The following SEMA4B variants were observed in gnomAD, a reference collection of about 807,000 sequenced individuals.
SEMA4B encodes semaphorin 4B.
A neutral mutation model predicts 88.1 loss-of-function variants in SEMA4B; 55 were observed. That is an observed-to-expected ratio of 0.62 (90% CI 0.50 to 0.78). The LOEUF is 0.78. SEMA4B is among the 30% of genes least tolerant of loss of function. The pLI is 0.00. For synonymous variants in SEMA4B, 525 were observed against 473.6 expected (o/e 1.11, Z -1.41); for missense variants, 1,062 against 1,111.9 (o/e 0.96, Z 0.64).
intron 1 of SEMA4B, among the ~76,000 whole-genome samples, chr15:90,192,513 G>A (rs1960372836): frequency 6.6e-6 from 1 of 151,800 alleles, no homozygotes; most frequent in South Asian, 2.1e-4. Flanking sequence ...GCAGGGTAGA[G>A]AAGCAGCAGG....
intron 1 of SEMA4B, among the ~76,000 whole-genome samples, chr15:90,188,660 T>G (rs1435851929): frequency 2.6e-5 from 4 of 151,788 alleles, no homozygotes; most frequent in Non-Finnish European, 5.9e-5. Context: ...TAAATGTAGA[T>G]CAGGATACGT....
chr15:90,191,089 T>C (rs1041745443), intron 1 of SEMA4B, among the ~76,000 whole-genome samples: 1 of 152,216 alleles, frequency 6.6e-6, no homozygotes, highest in Non-Finnish European at 1.5e-5. Flanking sequence ...GGCAACTTCA[T>C]GTTCTACCCT....
At chr15:90,209,765 G>A (rs1282669289) in intron 1 of SEMA4B, among the ~76,000 whole-genome samples, 1 of 152,206 alleles carries the variant, frequency 6.6e-6, no homozygotes, top group Admixed American at 6.5e-5. Context: ...AAGTCTCAAA[G>A]GATGAGTGTG....
intron 3 of SEMA4B, among the ~76,000 whole-genome samples, chr15:90,218,970 T>C (rs1323698350): frequency 2.6e-5 from 4 of 152,030 alleles, no homozygotes; most frequent in African/African-American, 4.8e-5. Flanking sequence ...GGCAGGACTT[T>C]TGATTTCACT....
Position 90,225,029 on chromosome 15 carries a change from T to A in SEMA4B, c.1256T>A (p.Val419Glu). The A allele has an allele frequency of 6.2e-7, 1 of 1,613,920 alleles. No individual in the cohort carries two copies. Among genetic ancestry groups the A allele is most frequent in the Non-Finnish European group, 8.5e-7 (1 of 1,179,850 alleles). The change falls in exon 10 of 14, where the codon GTG becomes GAG. Residue 419 changes from valine (V) to glutamate (E), a missense_variant. Physicochemically the swap from Val to Glu is moderately radical, Grantham distance 121. Transcript: ENST00000411539. ...INSSLQLPDR[V>E]LNFLKDHFLM... ...TCATCCCTGCAGCTCCCAGACCGCG[T>A]GCTGAACTTCCTCAAGGACCACTTC...
chr15:90,201,243 C>G, upstream of SEMA4B: 1 of 967,894 alleles, frequency 1.0e-6, no homozygotes. Flanking sequence ...GCCCCTCGCG[C>G]TGCCAGCGCC....
At chr15:90,215,974 C>T (rs2151612456) in intron 1 of SEMA4B, among the ~76,000 whole-genome samples, 1 of 151,760 alleles carries the variant, frequency 6.6e-6, no homozygotes, top group East Asian at 1.9e-4. Context: ...CTTGTTCTAC[C>T]ATTATTTCCT....
chr15:90,221,788 G>A, intron 7 of SEMA4B, 23 bp downstream of exon 7: 4 of 1,610,882 alleles, frequency 2.5e-6, no homozygotes, highest in Non-Finnish European at 3.4e-6. Context: ...GGCTGACAGG[G>A]TGGCCACCCC....
chr15:90,211,561 G>A (rs535774433), intron 1 of SEMA4B, among the ~76,000 whole-genome samples: 3 of 152,330 alleles, frequency 2.0e-5, no homozygotes, highest in South Asian at 2.1e-4. Flanking sequence ...AACACGGGCC[G>A]TGTGGAGGAA....
rs1961592656 is a variant in SEMA4B at position 90,217,555 on chromosome 15, G to T, written c.274G>T (p.Ala92Ser). The T allele has an allele frequency of 6.2e-7, 1 of 1,613,994 alleles. No homozygotes were observed. The stretch of plus-strand genomic sequence containing the variant: ...CGTGGGTGCTCGAGAGGCCCTCTTT[G>T]CACTCAGTAGCAACCTCAGCTTCCT... ...LYVGAREALF[A>S]LSSNLSFLPG... Residue 92 changes from alanine to serine, a missense_variant, in exon 2 of 14, where the codon GCA (alanine) becomes TCA (serine). Physicochemically the swap from Ala to Ser is moderately conservative, Grantham distance 99. Coordinates refer to ENST00000411539, the MANE Select transcript of SEMA4B (RefSeq NM_198925.4).
Position 90,221,485 on chromosome 15 carries a change from A to G in SEMA4B, c.709+5A>G, listed in dbSNP as rs1382535864. 6.3e-7 allele frequency: 1 copy of G among 1,599,290 alleles called. No individual in the cohort carries two copies. The highest frequency in any genetic ancestry group is 8.5e-7 in the Non-Finnish European group (1 of 1,172,970). On this transcript the variant is annotated splice_donor_5th_base_variant and intron_variant, in intron 6 of 13. Transcript: ENST00000411539. The stretch of plus-strand genomic sequence containing the variant: ...GCTCCCTCAACTGGCTGCAAGGTGA[A>G]GTCCTCTTGCCACCACCCAGAGGGC...
chr15:90,196,607 C>T (rs1960516259), upstream of SEMA4B, among the ~76,000 whole-genome samples: 1 of 152,114 alleles, frequency 6.6e-6, no homozygotes, highest in Admixed American at 6.5e-5. Context: ...CTGCCTCAGC[C>T]TCCCGAGTAG....
chr15:90,188,273 A>G (rs1468749462), intron 1 of SEMA4B, among the ~76,000 whole-genome samples: 4 of 152,044 alleles, frequency 2.6e-5, no homozygotes, highest in East Asian at 1.9e-4. Flanking sequence ...TGAGCCATCA[A>G]TCATCCTGCC....
intron 10 of SEMA4B, 45 bp downstream of exon 10, chr15:90,225,223 G>A: frequency 1.3e-6 from 2 of 1,557,736 alleles, no homozygotes; most frequent in Non-Finnish European, 1.7e-6. Context: ...GGGTGCACGT[G>A]GCTGGTGGGT....
Position 90,217,585 on chromosome 15 carries a change from G to A in SEMA4B, c.304G>A (p.Gly102Ser). Residue 102 changes from glycine (G) to serine (S), a missense_variant, in exon 2 of 14, where the codon GGC becomes AGC. Transcript: ENST00000411539. ...ALSSNLSFLPGGEYQELLWGA... is the reference protein window; with the variant it reads ...ALSSNLSFLPSGEYQELLWGA... ...CAGTAGCAACCTCAGCTTCCTGCCA[G>A]GCGGGGAGTACCAGGAGGTGAGAGA... 1 of 1,613,948 alleles carries A rather than the reference G, an allele frequency of 6.2e-7. No individual in the cohort carries two copies. The highest frequency in any genetic ancestry group is 2.2e-5 in the East Asian group (1 of 44,886).
At chr15:90,188,959 G>C (rs1345272745) in intron 1 of SEMA4B, among the ~76,000 whole-genome samples, 1 of 152,116 alleles carries the variant, frequency 6.6e-6, no homozygotes, top group Admixed American at 6.6e-5. Context: ...ATGAGCCACC[G>C]CGCCCAGCCA....
intron 1 of SEMA4B, among the ~76,000 whole-genome samples, chr15:90,188,286 T>C (rs1290408800): frequency 6.6e-6 from 1 of 151,984 alleles, no homozygotes; most frequent in Admixed American, 6.6e-5. Context: ...ATCCTGCCAC[T>C]GCATTCCAGC....
At chr15:90,207,508 G>C (rs1301057446) in intron 1 of SEMA4B, among the ~76,000 whole-genome samples, 1 of 152,214 alleles carries the variant, frequency 6.6e-6, no homozygotes, top group African/African-American at 2.4e-5. Flanking sequence ...ATGTGGAAGT[G>C]CATTGCTTTA....
upstream of SEMA4B, among the ~76,000 whole-genome samples, chr15:90,199,207 G>T (rs894677906): frequency 6.6e-6 from 1 of 152,146 alleles, no homozygotes; most frequent in Non-Finnish European, 1.5e-5. Flanking sequence ...TCCAGCTGCT[G>T]TGTTGAGAAT....
Sources: allele counts gnomAD v4.1 joint callset (sites outside exome capture counted in the v4.1 genomes callset), GRCh38; gene constraint gnomAD v4.1.1; transcripts MANE v1.5; gene names NCBI Gene and HGNC (gene_info 2026-07-23, HGNC 2026-07-21).